SCUBE1: variants seen among roughly 807,000 people sequenced by gnomAD.
SCUBE1 encodes signal peptide, CUB and EGF-like domain-containing protein 1.
A neutral mutation model predicts 124.4 loss-of-function variants in SCUBE1; 59 were observed. The ratio of observed to expected loss-of-function variants is 0.47; its 90% CI spans 0.38 to 0.59. The LOEUF (loss-of-function observed/expected upper bound fraction) is 0.59, where lower values mean the gene tolerates loss of function less well. Among genes scored for constraint, SCUBE1 ranks in the 20% least tolerant of loss-of-function variants. The pLI is 0.00. For synonymous variants in SCUBE1, 545 were observed against 550.9 expected (o/e 0.99, Z 0.15); for missense variants, 1,150 against 1,371.2 (o/e 0.84, Z 2.55).
At chr22:43,336,463 G>A (rs1601901770) in intron 2 of SCUBE1, among the ~76,000 whole-genome samples, 2 of 152,276 alleles carry the variant, frequency 1.3e-5, no homozygotes, top group South Asian at 4.1e-4. Context: ...CTGCAGACCC[G>A]CGCTAGTGCC....
intron 9 of SCUBE1, among the ~76,000 whole-genome samples, chr22:43,228,705 A>C (rs1601812566): frequency 6.7e-6 from 1 of 148,904 alleles, no homozygotes; most frequent in Admixed American, 6.6e-5. Context: ...TTGCCCCTCT[A>C]CTCTGCCCCT....
intron 4 of SCUBE1, chr22:43,283,731 T>C (rs897303581): frequency 1.3e-5 from 2 of 152,222 alleles, no homozygotes; most frequent in African/African-American, 4.8e-5. Flanking sequence ...GATGTCACCA[T>C]TGGGGGAAAT....
intron 4 of SCUBE1, among the ~76,000 whole-genome samples, chr22:43,263,512 G>A (rs575481944): frequency 6.6e-6 from 1 of 152,288 alleles, no homozygotes; most frequent in East Asian, 1.9e-4. Context: ...AAGCCGGCTC[G>A]GGGAGCGGCA....
intron 6 of SCUBE1, among the ~76,000 whole-genome samples, chr22:43,241,626 C>G (rs747520426): frequency 6.6e-6 from 1 of 152,132 alleles, no homozygotes; most frequent in Non-Finnish European, 1.5e-5. Context: ...CTGCCCCAAG[C>G]CGAAGACGAG....
At chr22:43,329,946 G>A (rs1926851565) in intron 2 of SCUBE1, among the ~76,000 whole-genome samples, 1 of 152,132 alleles carries the variant, frequency 6.6e-6, no homozygotes, top group African/African-American at 2.4e-5. Context: ...CTAAGAGGAG[G>A]CGAGAGGGCC....
At chr22:43,214,367 C>G (rs968321354) in intron 15 of SCUBE1, 116 bp from the exon 16 acceptor site, 11 of 1,066,302 alleles carry the variant, frequency 1.0e-5, no homozygotes, top group Admixed American at 5.7e-5. Flanking sequence ...CCTGGGGCCC[C>G]AAGGACACAG....
intron 4 of SCUBE1, chr22:43,275,932 A>AGG (rs2146727804): frequency 6.6e-6 from 1 of 152,590 alleles, no homozygotes; most frequent in East Asian, 1.9e-4. Context: ...GATGAGGCGG[A>AGG]GGTAGGGACA....
intron 1 of SCUBE1, among the ~76,000 whole-genome samples, chr22:43,339,730 C>T (rs1235307784): frequency 8.1e-6 from 1 of 124,204 alleles, no homozygotes; most frequent in African/African-American, 2.9e-5. Flanking sequence ...CTCATTCTAC[C>T]CCCCACAAGC....
rs938347525 is a variant in SCUBE1 at position 43,198,297 on chromosome 22, T to A, written c.*5700A>T. On this transcript the variant is annotated 3_prime_UTR_variant, in exon 22 of 22. Coordinates refer to ENST00000360835, the MANE Select transcript of SCUBE1 (RefSeq NM_173050.5). ...GCTCACTCAGGGGCTCTGAGTGGCA[T>A]GGTGCAGCAGGGGACTGGAGAGGCC... The A allele has an allele frequency of 2.2e-5, 7 of 322,762 alleles. No homozygotes were observed. In the Admixed American group the frequency reaches 2.9e-4, roughly 13 times the overall value. 20.0% of individuals were successfully genotyped at this position (322,762 alleles called of 1,614,324 possible). A position where few individuals can be genotyped will look rare whatever the true frequency, so the allele number is the denominator to read the frequency against.
intron 6 of SCUBE1, among the ~76,000 whole-genome samples, chr22:43,242,951 C>T (rs1284750584): frequency 6.6e-6 from 1 of 152,208 alleles, no homozygotes; most frequent in African/African-American, 2.4e-5. Context: ...CATTGCCTGT[C>T]CAGGCAGGAA....
chr22:43,312,389 C>A (rs1926201553), intron 3 of SCUBE1, among the ~76,000 whole-genome samples: 1 of 152,166 alleles, frequency 6.6e-6, no homozygotes, highest in Non-Finnish European at 1.5e-5. Flanking sequence ...CAGATCCCTG[C>A]TGGGGAGTAG....
At chr22:43,319,899 G>C (rs1250087269) in intron 3 of SCUBE1, 38 bp downstream of exon 3, 1 of 1,608,966 alleles carries the variant, frequency 6.2e-7, no homozygotes, top group Admixed American at 1.7e-5. Flanking sequence ...CAACAGGCAG[G>C]GTGTGCCCAG....
chr22:43,278,916 T>G (rs1396862571), intron 4 of SCUBE1, among the ~76,000 whole-genome samples: 3 of 151,338 alleles, frequency 2.0e-5, no homozygotes, highest in African/African-American at 7.3e-5. Flanking sequence ...TGCGGGAGGG[T>G]GGGGCTGGGC....
Position 43,292,957 on chromosome 22 carries a change from C to T in SCUBE1, c.350-1777G>A, listed in dbSNP as rs572784237. Among the ~76,000 whole-genome samples the T allele has an allele frequency of 4.6e-5, 7 of 152,314 alleles. No individual in the cohort carries two copies. In the South Asian group the frequency reaches 8.3e-4, roughly 18 times the overall value. On this transcript the variant is annotated intron_variant, in intron 3 of 21. Transcript: ENST00000360835. ...CGCTGAGAGGAGCCAGGTGATCGCA[C>T]CATTCTGACTGGGGAAGCCTGGGGA...
intron 4 of SCUBE1, among the ~76,000 whole-genome samples, chr22:43,278,425 C>T (rs1383968952): frequency 6.6e-6 from 1 of 152,208 alleles, no homozygotes; most frequent in Non-Finnish European, 1.5e-5. Context: ...CCTAGCCGTG[C>T]TGCCCCAGCA....
intron 4 of SCUBE1, among the ~76,000 whole-genome samples, chr22:43,280,119 G>T (rs2146733631): frequency 6.6e-6 from 1 of 152,236 alleles, no homozygotes; most frequent in South Asian, 2.1e-4. Flanking sequence ...GCATGAATCT[G>T]ATGCTGAGCA....
Position 43,335,739 on chromosome 22 carries a change from GTGATGA to G in SCUBE1, c.220+3359_220+3364del, listed in dbSNP as rs572505909. Among the ~76,000 whole-genome samples, 52 of 147,564 alleles carry G rather than the reference GTGATGA, an allele frequency of 3.5e-4. 2 individuals carry two copies. In the South Asian group the frequency reaches 9.6e-3, roughly 27 times the overall value. ...CTACTTTGACAGCTAGTGAGAACAG[GTGATGA>G]TGATGATGATGATGATGATGGTGAT... On this transcript the variant is annotated intron_variant, in intron 2 of 21. Coordinates refer to ENST00000360835, the MANE Select transcript of SCUBE1 (RefSeq NM_173050.5).
chr22:43,264,747 C>T (rs1923999715), intron 4 of SCUBE1, among the ~76,000 whole-genome samples: 1 of 152,244 alleles, frequency 6.6e-6, no homozygotes, highest in South Asian at 2.1e-4. Context: ...TCCCACAATG[C>T]CTGCTGGGCA....
At chr22:43,271,018 C>T (rs950727654) in intron 4 of SCUBE1, among the ~76,000 whole-genome samples, 17 of 152,322 alleles carry the variant, frequency 1.1e-4, no homozygotes, top group Admixed American at 2.6e-4. Flanking sequence ...AACCCCCGCT[C>T]CCTTCCCACC....
Sources: allele counts gnomAD v4.1 joint callset (sites outside exome capture counted in the v4.1 genomes callset), GRCh38; gene constraint gnomAD v4.1.1; transcripts MANE v1.5; gene names NCBI Gene and HGNC (gene_info 2026-07-23, HGNC 2026-07-21).